SLC25A43: variants seen among roughly 807,000 people sequenced by gnomAD.
SLC25A43 encodes the protein solute carrier family 25, member 43.
A neutral mutation model predicts 22.8 loss-of-function variants in SLC25A43; 10 were observed. That is an observed-to-expected ratio of 0.44 (90% CI 0.27 to 0.74). The LOEUF is 0.74. SLC25A43 is among the 30% of genes least tolerant of loss of function. The probability of loss-of-function intolerance (pLI) is 0.17; values close to 1 mark genes in which losing one functional copy is unlikely to be tolerated. For synonymous variants in SLC25A43, 106 were observed against 121.6 expected (o/e 0.87, Z 0.84); for missense variants, 233 against 279.1 (o/e 0.83, Z 1.18).
Position 119,453,095 on chromosome X carries a change from GAC to G in SLC25A43, c.*32_*33del. ...GAATGGAACTAGAAGTGCACTGACT[GAC>G]AGCATGTTGCAATCACAGATAAATG... On this transcript the variant is annotated 3_prime_UTR_variant, in exon 5 of 5. Transcript: ENST00000217909. The G allele has an allele frequency of 8.9e-7, 1 of 1,129,536 alleles. No homozygotes were observed. Among genetic ancestry groups the G allele is most frequent in the Non-Finnish European group, 1.2e-6 (1 of 822,027 alleles). The allele number at this position is 1,129,536 out of a possible 1,213,427, so 93.1% of individuals were successfully genotyped here. A position where few individuals can be genotyped will look rare whatever the true frequency, so the allele number is the denominator to read the frequency against.
intron 3 of SLC25A43, among the ~76,000 whole-genome samples, chrX:119,442,810 G>A (rs1178963354): frequency 8.9e-6 from 1 of 112,251 alleles, no homozygotes; most frequent in African/African-American, 3.2e-5. Flanking sequence ...CTTGACCCAC[G>A]ATTTTTATAA....
intron 3 of SLC25A43, among the ~76,000 whole-genome samples, chrX:119,417,234 A>T (rs1257024335): frequency 1.8e-5 from 2 of 108,603 alleles, no homozygotes; most frequent in African/African-American, 6.8e-5. Context: ...CCTGACCAAC[A>T]TGATGAAACC....
Position 119,399,708 on chromosome X carries a change from G to A in SLC25A43, c.275+30G>A, listed in dbSNP as rs1289831476. 5.1e-6 allele frequency: 5 copies of A among 978,758 alleles called. No homozygotes were observed. In the Admixed American group the frequency reaches 2.3e-4, roughly 45 times the overall value. The allele number at this position is 978,758 out of a possible 1,213,427, so 80.7% of individuals were successfully genotyped here. ...GAGCCGGGCGGGGCCGGGGAACCGGGAGACCGGACGGGGGTGGGGTGGGGG... is the reference window on the plus strand; with the variant it reads ...GAGCCGGGCGGGGCCGGGGAACCGGAAGACCGGACGGGGGTGGGGTGGGGG... On this transcript the variant is annotated intron_variant, in intron 1 of 4. Coordinates refer to ENST00000217909, the MANE Select transcript of SLC25A43 (RefSeq NM_145305.3).
Position 119,449,792 on chromosome X carries a change from G to A in SLC25A43, c.691-2217G>A, listed in dbSNP as rs1383013421. On this transcript the variant is annotated intron_variant, in intron 3 of 4. Transcript: ENST00000217909. Reference sequence around the variant, plus strand: ...AAAAGGACAAGAGTGGGTCCAAGAGGCCAGTAACAGACTGCTACAGTAATG... The same window carrying A: ...AAAAGGACAAGAGTGGGTCCAAGAGACCAGTAACAGACTGCTACAGTAATG... Among the ~76,000 whole-genome samples the A allele has an allele frequency of 2.7e-5, 3 of 111,786 alleles. No homozygotes were observed. In the Admixed American group the frequency reaches 2.9e-4, roughly 11 times the overall value.
chrX:119,408,983 G>T (rs182909988), intron 2 of SLC25A43, among the ~76,000 whole-genome samples: 36 of 108,909 alleles, frequency 3.3e-4, no homozygotes, highest in African/African-American at 1.1e-3. Flanking sequence ...ACATAATGAG[G>T]TGCTGCCCAC....
intron 3 of SLC25A43, among the ~76,000 whole-genome samples, chrX:119,415,737 C>T (rs2052394668): frequency 9.9e-6 from 1 of 101,256 alleles, no homozygotes; most frequent in African/African-American, 3.7e-5. Context: ...TGCCGTGACT[C>T]CTGCCTGTAA....
At position 119,452,063 on chromosome X, in the gene SLC25A43, G is replaced by A; in HGVS notation, c.745G>A (p.Ala249Thr). 8.3e-7 allele frequency: 1 copy of A among 1,211,187 alleles called. No homozygotes were observed. The highest frequency in any genetic ancestry group is 1.7e-5 in the African/African-American group (1 of 57,704). The change falls in exon 4 of 5, where the codon GCA becomes ACA. Residue 249 changes from alanine to threonine, a missense_variant. Ala to Thr is a moderately conservative substitution (Grantham distance 58). Transcript: ENST00000217909. ...SGGVDVHFSG[A>T]VDCFRQIVKA... ...AGGAGTAGATGTCCATTTCTCAGGA[G>A]CAGTGGACTGCTTCCGGCAGATAGT...
intron 3 of SLC25A43, among the ~76,000 whole-genome samples, chrX:119,411,919 C>T (rs1002029105): frequency 8.9e-6 from 1 of 111,872 alleles, no homozygotes; most frequent in Admixed American, 9.5e-5. Context: ...GCTAGGCTGT[C>T]TCCATGGCCT....
At chrX:119,434,908 G>T (rs181905102) in intron 3 of SLC25A43, 1 of 110,445 alleles carries the variant, frequency 9.1e-6, no homozygotes, top group East Asian at 2.8e-4. Context: ...ACTTCTTCCT[G>T]GGTTCAAGCC....
At position 119,452,862 on chromosome X, in the gene SLC25A43, CAGAT is replaced by C; in HGVS notation, c.826_829del (p.Ile276PhefsTer29). 1 of 1,197,918 alleles carries C rather than the reference CAGAT, an allele frequency of 8.3e-7. No homozygotes were observed. Among genetic ancestry groups the C allele is most frequent in the Non-Finnish European group, 1.1e-6 (1 of 887,278 alleles). On this transcript the variant is annotated splice_acceptor_variant and coding_sequence_variant, in exon 5 of 5. Coordinates refer to ENST00000217909, the MANE Select transcript of SLC25A43 (RefSeq NM_145305.3). The stretch of plus-strand genomic sequence containing the variant: ...ACTTGATTTTCATTTTTGGTTTTAA[CAGAT>C]AGTTCCATATTTTGGAATTATGTTT...
intron 1 of SLC25A43, among the ~76,000 whole-genome samples, chrX:119,405,595 CAAAAAAAAAAAA>C (rs56389948): frequency 1.6e-4 from 8 of 51,165 alleles, no homozygotes; most frequent in Admixed American, 6.0e-4. Context: ...CCTATCTCTA[CAAAAAAAAAAAA>C]AAAAAAAAAA....
chrX:119,412,291 A>G (rs1195901546), intron 3 of SLC25A43, among the ~76,000 whole-genome samples: 1 of 111,747 alleles, frequency 8.9e-6, no homozygotes, highest in Non-Finnish European at 1.9e-5. Context: ...AAATTTTTCT[A>G]TTCGTTGGTA....
rs778925778 is a variant in SLC25A43 at position 119,405,798 on chromosome X, G to A, written c.276-662G>A. 6.4e-5 allele frequency among the ~76,000 whole-genome samples: 7 copies of A among 109,983 alleles called. No individual in the cohort carries two copies. The South Asian group carries it at 1.2e-3, about 18-fold the overall frequency. On this transcript the variant is annotated intron_variant, in intron 1 of 4. Coordinates refer to ENST00000217909, the MANE Select transcript of SLC25A43 (RefSeq NM_145305.3). ...CCAGAACTGGGCACTTTGGGAGGCC[G>A]AGCGGGGTGGATCACCTGAGGTCAG...
At chrX:119,415,300 G>A (rs1000356157) in intron 3 of SLC25A43, among the ~76,000 whole-genome samples, 1 of 110,829 alleles carries the variant, frequency 9.0e-6, no homozygotes, top group Non-Finnish European at 1.9e-5. Flanking sequence ...CAAACTCCTG[G>A]ACTCAAGCAA....
At position 119,451,736 on chromosome X, in the gene SLC25A43, A is replaced by C; in HGVS notation, c.691-273A>C. 18 of 742,644 alleles carry C rather than the reference A, an allele frequency of 2.4e-5. No homozygotes were observed. The East Asian group carries it at 2.9e-4, about 12-fold the overall frequency. The allele number at this position is 742,644 out of a possible 1,213,427, so 61.2% of individuals were successfully genotyped here. On this transcript the variant is annotated intron_variant, in intron 3 of 4. Coordinates refer to ENST00000217909, the MANE Select transcript of SLC25A43 (RefSeq NM_145305.3). ...TCCAGAAGGCACAGGTTGGGAGGGA[A>C]TGTAAGTATGAAATTGAATCTGTCC...
intron 2 of SLC25A43, among the ~76,000 whole-genome samples, chrX:119,408,178 G>T (rs1229708515): frequency 9.1e-6 from 1 of 109,722 alleles, no homozygotes; most frequent in African/African-American, 3.3e-5. Context: ...CTGCCAGTTT[G>T]TCCTACCTCA....
intron 2 of SLC25A43, among the ~76,000 whole-genome samples, chrX:119,407,032 G>A (rs745880529): frequency 8.8e-6 from 1 of 113,181 alleles, no homozygotes; most frequent in South Asian, 3.6e-4. Context: ...GGCAACTAGG[G>A]TAGCAACTGT....
At chrX:119,445,540 T>G (rs1020699330) in intron 3 of SLC25A43, among the ~76,000 whole-genome samples, 4 of 111,251 alleles carry the variant, frequency 3.6e-5, no homozygotes, top group African/African-American at 1.3e-4. Flanking sequence ...AGTTGTAGTG[T>G]AAAGCCTTGG....
chrX:119,424,383 G>A (rs2052484856), intron 3 of SLC25A43, among the ~76,000 whole-genome samples: 1 of 111,537 alleles, frequency 9.0e-6, no homozygotes, highest in Admixed American at 9.5e-5. Flanking sequence ...GGCACAAGGT[G>A]TAAGTCACTT....
Sources: allele counts gnomAD v4.1 joint callset (sites outside exome capture counted in the v4.1 genomes callset), GRCh38; gene constraint gnomAD v4.1.1; transcripts MANE v1.5; gene names NCBI Gene and HGNC (gene_info 2026-07-23, HGNC 2026-07-21).